The following OR4K1 variants were observed in gnomAD, a reference collection of about 807,000 sequenced individuals.
The protein encoded by OR4K1 is olfactory receptor family 4 subfamily K member 1.
OR4K1 carries 16 observed loss-of-function variants against 14.4 expected under a neutral mutation model. The observed-to-expected ratio is 1.11, with a 90% CI of 0.75 to 1.68. The LOEUF (loss-of-function observed/expected upper bound fraction) is 1.68. Ranked by LOEUF, OR4K1 falls within the 40% of genes most tolerant of loss-of-function variation. The pLI is 0.00. For synonymous variants in OR4K1, 181 were observed against 133.1 expected, an observed-to-expected ratio of 1.36 and a Z score of -2.48; for missense variants, 548 against 376.9, an observed-to-expected ratio of 1.45 and a Z score of -3.76.
In OR4K1 at chr14:19,935,974, T is replaced by C; in HGVS notation, c.308T>C (p.Val103Ala). The C allele has an allele frequency of 6.2e-7, 1 of 1,614,274 alleles. No homozygotes were observed. The highest frequency in any genetic ancestry group is 1.7e-5 in the Admixed American group (1 of 60,032). ...SFEGCMAQIF[V>A]LHSFVGSEMM... Reference sequence around the variant, plus strand: ...GAGGGTTGCATGGCCCAGATATTCGTTCTTCACAGTTTTGTTGGGAGTGAG... The same window carrying C: ...GAGGGTTGCATGGCCCAGATATTCGCTCTTCACAGTTTTGTTGGGAGTGAG... The change falls in exon 2 of 2, where the codon GTT becomes GCT. Residue 103 changes from valine to alanine, a missense_variant. Physicochemically the swap from Val to Ala is moderately conservative, Grantham distance 64. Transcript: ENST00000641172.
chr14:19,933,223 T>C (rs1027115077), intron 1 of OR4K1, among the ~76,000 whole-genome samples: 1 of 119,530 alleles, frequency 8.4e-6, no homozygotes, highest in Non-Finnish European at 2.1e-5. Flanking sequence ...GCATGCTCTG[T>C]GTAAAGGATT....
At chr14:19,924,400 C>CAAAAAAAAAAAAAAAAAA in the OR4K1 span, among the ~76,000 whole-genome samples, 91 of 79,256 alleles carry the variant, frequency 1.1e-3, 2 homozygotes, top group African/African-American at 2.8e-3. Context: ...AACTCCGTAT[C>CAAAAAAAAAAAAAAAAAA]AAAAAAAAAA....
chr14:19,923,193 C>T, the OR4K1 span, among the ~76,000 whole-genome samples: 1 of 152,228 alleles, frequency 6.6e-6, no homozygotes, highest in Non-Finnish European at 1.5e-5. Context: ...ATTTGCAATA[C>T]TACCTCTCTT....
chr14:19,930,025 T>C (rs1425389166), upstream of OR4K1, among the ~76,000 whole-genome samples: 4 of 152,326 alleles, frequency 2.6e-5, no homozygotes, highest in Admixed American at 6.5e-5. Flanking sequence ...CCCTCAACAT[T>C]ATGTTTTTAA....
At chr14:19,924,980 AAAT>A in the OR4K1 span, among the ~76,000 whole-genome samples, 1 of 152,310 alleles carries the variant, frequency 6.6e-6, no homozygotes, top group South Asian at 2.1e-4. Context: ...ATAAATAAAA[AAAT>A]AAAGCAACTA....
chr14:19,921,008 C>T, the OR4K1 span: 7 of 1,614,176 alleles, frequency 4.3e-6, no homozygotes, highest in Non-Finnish European at 5.9e-6. Context: ...ACTATGTGGT[C>T]ATCATGAGCC....
chr14:19,920,474 G>T, the OR4K1 span: 3 of 1,157,228 alleles, frequency 2.6e-6, no homozygotes, highest in East Asian at 2.5e-5. Context: ...CAAAATTTTT[G>T]CATTCAGCAA....
the OR4K1 span, among the ~76,000 whole-genome samples, chr14:19,923,973 G>T: frequency 2.0e-5 from 3 of 152,282 alleles, no homozygotes; most frequent in East Asian, 1.9e-4. Context: ...TATTTTGAAG[G>T]TATCGAAAAA....
intron 1 of OR4K1, among the ~76,000 whole-genome samples, chr14:19,933,839 C>T (rs1407915820): frequency 1.3e-5 from 2 of 152,206 alleles, no homozygotes; most frequent in Non-Finnish European, 2.9e-5. Context: ...CCCACCTCGG[C>T]CTCCCAAAGT....
At position 19,935,842 on chromosome 14, in the gene OR4K1, T is replaced by G. The variant is rs568195741; in HGVS notation, c.176T>G (p.Met59Arg). 1 of 1,614,264 alleles carries G rather than the reference T, an allele frequency of 6.2e-7. No homozygotes were observed. The change falls in exon 2 of 2, where the codon ATG becomes AGG. Residue 59 changes from methionine (M) to arginine (R), a missense_variant. By Grantham distance (91) the Met-to-Arg change is moderately conservative. Transcript: ENST00000641172. ...ISFDSHLNSPMYFLLSNLSFI... is the reference protein window; with the variant it reads ...ISFDSHLNSPRYFLLSNLSFI... Reference sequence around the variant, plus strand: ...TTTGACTCCCATTTGAACTCTCCTATGTACTTCTTGCTCAGTAATCTTTCT... The same window carrying G: ...TTTGACTCCCATTTGAACTCTCCTAGGTACTTCTTGCTCAGTAATCTTTCT...
Position 19,936,269 on chromosome 14 carries a change from G to T in OR4K1, c.603G>T (p.Thr201=), listed in dbSNP as rs149331677. Reference sequence around the variant, plus strand: ...ATGAAATGGAAATTATGACCCTAACGAACAGTGGCCTGATATCATTGAGCT... The same window carrying T: ...ATGAAATGGAAATTATGACCCTAACTAACAGTGGCCTGATATCATTGAGCT... ...DTYEMEIMTL[T]NSGLISLSCF... Residue 201 remains threonine, a synonymous_variant, in exon 2 of 2, where the codon ACG becomes ACT. Coordinates refer to ENST00000641172, the MANE Select transcript of OR4K1 (RefSeq NM_001004063.3). The T allele has an allele frequency of 1.2e-6, 2 of 1,614,134 alleles. No individual in the cohort carries two copies. The highest frequency in any genetic ancestry group is 1.7e-5 in the Admixed American group (1 of 60,026).
chr14:19,927,385 T>A (rs1882083217), upstream of OR4K1, among the ~76,000 whole-genome samples: 1 of 152,220 alleles, frequency 6.6e-6, no homozygotes, highest in Non-Finnish European at 1.5e-5. Flanking sequence ...TGGTCATAAG[T>A]AAAAATAAAC....
At chr14:19,928,948 A>G (rs1882121649), upstream of OR4K1, among the ~76,000 whole-genome samples, 1 of 151,888 alleles carries the variant, frequency 6.6e-6, no homozygotes, top group African/African-American at 2.4e-5. Context: ...TTTAATGTTG[A>G]TTGTGGGTTT....
chr14:19,921,504 A>G, the OR4K1 span: 1 of 1,614,042 alleles, frequency 6.2e-7, no homozygotes, highest in Non-Finnish European at 8.5e-7. Flanking sequence ...TGCCGTAAGG[A>G]AAATTGTGAA....
upstream of OR4K1, among the ~76,000 whole-genome samples, chr14:19,928,348 A>G (rs1488184690): frequency 6.6e-6 from 1 of 152,186 alleles, no homozygotes; most frequent in Admixed American, 6.5e-5. Context: ...TTCTATGGCT[A>G]GAACTATACT....
At chr14:19,935,235 G>C (rs1346519824) in intron 1 of OR4K1, among the ~76,000 whole-genome samples, 1 of 151,960 alleles carries the variant, frequency 6.6e-6, no homozygotes, top group African/African-American at 2.4e-5. Context: ...TTCACTTTTG[G>C]CTAGCAAATT....
At chr14:19,935,605 T>C (rs1882286653) in intron 1 of OR4K1, 43 bp from the exon 2 acceptor site, 2 of 1,349,532 alleles carry the variant, frequency 1.5e-6, no homozygotes, top group Admixed American at 4.5e-5. Context: ...AGAGGTATTG[T>C]AATGCCAATC....
At chr14:19,920,868 G>T in the OR4K1 span, 2 of 1,614,172 alleles carry the variant, frequency 1.2e-6, no homozygotes, top group Admixed American at 3.3e-5. Flanking sequence ...TTTTCTGAGT[G>T]CACACGAGAC....
rs1882299604 is a variant in OR4K1 at position 19,935,870 on chromosome 14, C to A, written c.204C>A (p.Phe68Leu). The change falls in exon 2 of 2, where the codon TTC becomes TTA. Residue 68 changes from phenylalanine to leucine, a missense_variant. Phe to Leu is a conservative substitution (Grantham distance 22). Coordinates refer to ENST00000641172, the MANE Select transcript of OR4K1 (RefSeq NM_001004063.3). ...ACTTCTTGCTCAGTAATCTTTCTTT[C>A]ATTGATATCTGTCAGTCTAACTTTG... is the stretch of plus-strand genomic sequence containing the variant. ...PMYFLLSNLSFIDICQSNFAT... is the reference protein window; with the variant it reads ...PMYFLLSNLSLIDICQSNFAT... 6.2e-7 allele frequency: 1 copy of A among 1,614,260 alleles called. No homozygotes were observed. The highest frequency in any genetic ancestry group is 8.5e-7 in the Non-Finnish European group (1 of 1,180,044).
Sources: gnomAD v4.1 joint callset for allele counts (sites outside exome capture counted in the v4.1 genomes callset) on GRCh38, gnomAD v4.1.1 for gene constraint, MANE v1.5 for transcripts, NCBI Gene and HGNC (gene_info 2026-07-23, HGNC 2026-07-21) for gene names.